ODR4: variants seen among roughly 807,000 people sequenced by gnomAD.
ODR4 encodes the protein protein odr-4 homolog.
Under a neutral mutation model 60.2 loss-of-function variants are expected in ODR4, and 47 were observed. The observed-to-expected ratio is 0.78, with a 90% CI of 0.62 to 1.00. ODR4 has a LOEUF of 1.00. Ranked by LOEUF, ODR4 falls within the 50% of genes least tolerant of loss-of-function variation. ODR4 has a pLI of 0.00. For synonymous variants in ODR4, 178 were observed against 175.5 expected (o/e 1.01, Z -0.11); for missense variants, 488 against 530.8 (o/e 0.92, Z 0.79).
At chr1:186,399,990 C>CTTTTTTTTTTTTTTTTTTTTTTTTTTTTT (rs948511178) in intron 11 of ODR4, among the ~76,000 whole-genome samples, 1 of 112,044 alleles carries the variant, frequency 8.9e-6, no homozygotes, top group Non-Finnish European at 1.8e-5. Flanking sequence ...TTTTTTTTTT[C>CTTTTTTTTTTTTTTTTTTTTTTTTTTTTT]TTTTTTTTTT....
chr1:186,429,491 A>T, the ODR4 span, among the ~76,000 whole-genome samples: 1 of 152,202 alleles, frequency 6.6e-6, no homozygotes, highest in Admixed American at 6.5e-5. Flanking sequence ...AGGAGAAAGA[A>T]CAGACAAAAG....
chr1:186,384,225 G>A (rs557077319), intron 3 of ODR4, among the ~76,000 whole-genome samples: 199 of 152,280 alleles, frequency 1.3e-3, no homozygotes, highest in Middle Eastern at 6.8e-3. Flanking sequence ...ATGTCAGAAG[G>A]CAGATTGGAG....
intron 11 of ODR4, among the ~76,000 whole-genome samples, chr1:186,404,357 C>G (rs916415779): frequency 1.3e-5 from 2 of 152,022 alleles, no homozygotes; most frequent in African/African-American, 4.8e-5. Context: ...AGTGCTTTTT[C>G]TTTTTAATGA....
At chr1:186,428,539 A>G in the ODR4 span, among the ~76,000 whole-genome samples, 3 of 152,196 alleles carry the variant, frequency 2.0e-5, no homozygotes, top group Non-Finnish European at 4.4e-5. Context: ...ACTTATTCAT[A>G]TGTTCACTGG....
intron 11 of ODR4, among the ~76,000 whole-genome samples, chr1:186,402,010 T>G (rs1174006056): frequency 2.6e-5 from 4 of 152,112 alleles, no homozygotes; most frequent in African/African-American, 7.2e-5. Context: ...TCATTACTGA[T>G]TCAATCGTGA....
downstream of ODR4, among the ~76,000 whole-genome samples, chr1:186,423,406 AG>A (rs1180082282): frequency 2.0e-5 from 3 of 148,000 alleles, no homozygotes; most frequent in Non-Finnish European, 4.5e-5. Flanking sequence ...TTTAAAAATC[AG>A]GAACACAAGG....
intron 2 of ODR4, among the ~76,000 whole-genome samples, chr1:186,381,047 T>TAGACAGCC (rs1377271505): frequency 1.3e-5 from 2 of 152,238 alleles, no homozygotes; most frequent in Non-Finnish European, 2.9e-5. Flanking sequence ...GGCCTCTCAT[T>TAGACAGCC]AGACAGCCAG....
downstream of ODR4, among the ~76,000 whole-genome samples, chr1:186,422,947 AAG>A (rs1320387235): frequency 2.0e-5 from 3 of 152,232 alleles, no homozygotes; most frequent in African/African-American, 4.8e-5. Flanking sequence ...AAGATTGAAA[AAG>A]GGGTCCAAAT....
At chr1:186,379,941 A>T in intron 2 of ODR4, 57 bp downstream of exon 2, 2 of 1,027,960 alleles carry the variant, frequency 1.9e-6, no homozygotes, top group Non-Finnish European at 2.8e-6. Flanking sequence ...ATTTATTTTA[A>T]AAATTACTTG....
At position 186,390,866 on chromosome 1, in the gene ODR4, T is replaced by C. The variant is rs1660443349; in HGVS notation, c.615+15T>C. 1 of 1,603,804 alleles carries C rather than the reference T, an allele frequency of 6.2e-7. No homozygotes were observed. The highest frequency in any genetic ancestry group is 1.7e-5 in the Admixed American group (1 of 58,558). ...AAAATACAAAGGTACCAGGGTAAAA[T>C]GAATTTTCTTCAGTGATTGCTGAGT... is the stretch of plus-strand genomic sequence containing the variant. On this transcript the variant is annotated intron_variant, in intron 7 of 13. Transcript: ENST00000287859.
chr1:186,378,571 G>GT (rs1352187247), intron 1 of ODR4, among the ~76,000 whole-genome samples: 2 of 152,190 alleles, frequency 1.3e-5, no homozygotes, highest in Non-Finnish European at 2.9e-5. Context: ...GGAAAACAGA[G>GT]TAAGAGCTAC....
downstream of ODR4, among the ~76,000 whole-genome samples, chr1:186,424,141 T>C (rs1571710956): frequency 6.6e-6 from 1 of 152,278 alleles, no homozygotes; most frequent in South Asian, 2.1e-4. Flanking sequence ...GGCAGCCCTG[T>C]TTTTAATTAC....
chr1:186,414,517 C>A (rs1333935090), intron 12 of ODR4, among the ~76,000 whole-genome samples: 1 of 149,272 alleles, frequency 6.7e-6, no homozygotes. Context: ...GGGAAAAAAA[C>A]AAAAACCTTT....
In ODR4 at chr1:186,383,055, A is replaced by G. The variant is rs375660716; in HGVS notation, c.133A>G (p.Thr45Ala). The part of the protein sequence containing the change: ...SSQKDYVILA[T>A]RTPPKEEQSE... Reference sequence around the variant, plus strand: ...ACAAAAGGATTATGTGATTCTTGCCACTAGAACGCCACCCAAAGAGGAGCA... The same window carrying G: ...ACAAAAGGATTATGTGATTCTTGCCGCTAGAACGCCACCCAAAGAGGAGCA... The change falls in exon 3 of 14, where the codon ACT (threonine) becomes GCT (alanine). Residue 45 changes from threonine to alanine, a missense_variant. By Grantham distance (58) the Thr-to-Ala change is moderately conservative. Coordinates refer to ENST00000287859, the MANE Select transcript of ODR4 (RefSeq NM_017847.6). 4.5e-5 allele frequency: 72 copies of G among 1,582,774 alleles called. No homozygotes were observed. Among genetic ancestry groups the G allele is most frequent in the Non-Finnish European group, 6.0e-5 (70 of 1,163,338 alleles).
At chr1:186,379,698 A>G in intron 1 of ODR4, 69 bp from the exon 2 acceptor site, 4 of 792,896 alleles carry the variant, frequency 5.0e-6, no homozygotes, top group Non-Finnish European at 8.2e-6. Flanking sequence ...TTGCTAAACT[A>G]CTCCCATGAT....
the ODR4 span, among the ~76,000 whole-genome samples, chr1:186,430,872 GT>G: frequency 1.7e-5 from 2 of 117,920 alleles, no homozygotes; most frequent in African/African-American, 6.3e-5. Context: ...TTTTTTTTTT[GT>G]TTTAATAATT....
the ODR4 span, among the ~76,000 whole-genome samples, chr1:186,430,172 G>C: frequency 6.6e-6 from 1 of 151,706 alleles, no homozygotes; most frequent in Non-Finnish European, 1.5e-5. Context: ...TAGATATTTG[G>C]GTAAATAACT....
At chr1:186,433,897 A>G in the ODR4 span, among the ~76,000 whole-genome samples, 1 of 152,204 alleles carries the variant, frequency 6.6e-6, no homozygotes, top group East Asian at 1.9e-4. Context: ...TGTTTTTAAT[A>G]TGTCCTTTAG....
chr1:186,388,754 G>C lies in ODR4; in HGVS notation c.437+206G>C, dbSNP rs1270976227. Reference sequence around the variant, plus strand: ...CATGTCCCAAGGTGATAAAAAGCTTGAGATCTGTAATATGAAAGACTCAGG... The same window carrying C: ...CATGTCCCAAGGTGATAAAAAGCTTCAGATCTGTAATATGAAAGACTCAGG... On this transcript the variant is annotated intron_variant, in intron 5 of 13. Transcript: ENST00000287859. Among the ~76,000 whole-genome samples the C allele has an allele frequency of 4.6e-5, 7 of 152,260 alleles. 1 individual carries two copies. The highest frequency in any genetic ancestry group is 4.6e-4 in the Admixed American group (7 of 15,284).
Sources: gnomAD v4.1 joint callset for allele counts (sites outside exome capture counted in the v4.1 genomes callset) on GRCh38, gnomAD v4.1.1 for gene constraint, MANE v1.5 for transcripts, NCBI Gene and HGNC (gene_info 2026-07-23, HGNC 2026-07-21) for gene names.